EXOC4: variants seen among roughly 807,000 people sequenced by gnomAD.
EXOC4 encodes the protein exocyst complex component 4, also known as SEC8-like 1.
In EXOC4, 71 loss-of-function variants were observed where a neutral mutation model predicts 107.2. The observed-to-expected ratio is 0.66, with a 90% CI of 0.55 to 0.81. EXOC4 has a LOEUF of 0.81. EXOC4 is among the 30% of genes least tolerant of loss of function. The probability of loss-of-function intolerance (pLI) is 0.00; values close to 1 mark genes in which losing one functional copy is unlikely to be tolerated. For missense variants in EXOC4, 1,108 were observed against 1,189.6 expected (o/e 0.93, Z 1.01); for synonymous variants, 456 against 441.2 (o/e 1.03, Z -0.42).
chr7:133,612,172 T>G (rs1439801011), intron 9 of EXOC4, among the ~76,000 whole-genome samples: 1 of 152,172 alleles, frequency 6.6e-6, no homozygotes, highest in Non-Finnish European at 1.5e-5. Flanking sequence ...TATATATGGT[T>G]TCAATTTTTA....
At chr7:134,093,559 A>C in the EXOC4 span, among the ~76,000 whole-genome samples, 14 of 152,200 alleles carry the variant, frequency 9.2e-5, no homozygotes, top group African/African-American at 3.1e-4. Context: ...TAAACTCAAC[A>C]CTTCACCAAT....
At chr7:133,334,775 A>G (rs537212514) in intron 5 of EXOC4, among the ~76,000 whole-genome samples, 2 of 148,142 alleles carry the variant, frequency 1.4e-5, no homozygotes, top group African/African-American at 5.0e-5. Context: ...CTATATGTCC[A>G]TGTGTTCTCA....
At chr7:133,363,804 T>C (rs1482103399) in intron 6 of EXOC4, among the ~76,000 whole-genome samples, 1 of 152,118 alleles carries the variant, frequency 6.6e-6, no homozygotes, top group East Asian at 1.9e-4. Context: ...CTGCCTTAGG[T>C]TTTGTCATTT....
intron 10 of EXOC4, among the ~76,000 whole-genome samples, chr7:133,770,525 C>T (rs1796224178): frequency 6.6e-6 from 1 of 151,956 alleles, no homozygotes; most frequent in Non-Finnish European, 1.5e-5. Flanking sequence ...TTAGCCAATG[C>T]ACACTTAATC....
At chr7:133,283,142 G>T (rs997052864) in intron 2 of EXOC4, among the ~76,000 whole-genome samples, 2 of 152,218 alleles carry the variant, frequency 1.3e-5, no homozygotes, top group Admixed American at 1.3e-4. Flanking sequence ...GTCGCACTCT[G>T]TTGTCCAGGC....
At chr7:133,644,974 C>G (rs1178412618) in intron 10 of EXOC4, among the ~76,000 whole-genome samples, 1 of 152,096 alleles carries the variant, frequency 6.6e-6, no homozygotes, top group East Asian at 1.9e-4. Context: ...ATCCCCTTTG[C>G]ATCTTTGTAT....
intron 11 of EXOC4, among the ~76,000 whole-genome samples, chr7:133,823,676 T>C (rs1389342732): frequency 6.8e-6 from 1 of 148,000 alleles, no homozygotes; most frequent in Non-Finnish European, 1.5e-5. Context: ...ATTAGCCAGG[T>C]GTGGTGGTAA....
chr7:133,630,055 T>A lies in EXOC4; in HGVS notation c.1428T>A (p.Asp476Glu). 2 of 1,613,544 alleles carry A rather than the reference T, an allele frequency of 1.2e-6. No individual in the cohort carries two copies. The highest frequency in any genetic ancestry group is 1.3e-5 in the African/African-American group (1 of 75,024). Reference protein sequence around the residue: ...SRSGELQGGPDDNLIEGGGTK... With the variant: ...SRSGELQGGPEDNLIEGGGTK... ...TCTTTCTTCTGAAAGGGGGTCCTGA[T>A]GACAACTTAATTGAAGGTGGAGGAA... Residue 476 changes from aspartate (D) to glutamate (E), a missense_variant, in exon 10 of 18, where the codon GAT becomes GAA. Coordinates refer to ENST00000253861, the MANE Select transcript of EXOC4 (RefSeq NM_021807.4).
At chr7:134,036,083 A>G (rs1287449286) in intron 17 of EXOC4, among the ~76,000 whole-genome samples, 1 of 152,150 alleles carries the variant, frequency 6.6e-6, no homozygotes, top group East Asian at 1.9e-4. Context: ...AAACGTGACA[A>G]CTGTTAATCT....
At chr7:133,346,464 TTTAA>T (rs1303957471) in intron 5 of EXOC4, among the ~76,000 whole-genome samples, 3 of 152,240 alleles carry the variant, frequency 2.0e-5, no homozygotes, top group Non-Finnish European at 4.4e-5. Context: ...CATTTTTAAA[TTTAA>T]TTATATTTTG....
intron 11 of EXOC4, among the ~76,000 whole-genome samples, chr7:133,830,912 A>G (rs1236363621): frequency 6.6e-6 from 1 of 152,026 alleles, no homozygotes; most frequent in Admixed American, 6.6e-5. Context: ...AGGCTCTCTT[A>G]AATGTGATAG....
At position 133,641,431 on chromosome 7, in the gene EXOC4, C is replaced by T. The variant is rs62470057; in HGVS notation, c.1514+11290C>T. 4.0e-5 allele frequency among the ~76,000 whole-genome samples: 6 copies of T among 151,692 alleles called. No homozygotes were observed. The South Asian group carries it at 1.2e-3, about 31-fold the overall frequency. On this transcript the variant is annotated intron_variant, in intron 10 of 17. Coordinates refer to ENST00000253861, the MANE Select transcript of EXOC4 (RefSeq NM_021807.4). ...AAATCTCTACACTGTCCTGAGCACA[C>T]ATATATATATAGATACACACACATA...
chr7:133,265,047 A>T, intron 1 of EXOC4, among the ~76,000 whole-genome samples: 1 of 152,210 alleles, frequency 6.6e-6, no homozygotes, highest in Non-Finnish European at 1.5e-5. Context: ...GGTTAAAAGC[A>T]GTTTGGGAAA....
chr7:133,784,063 A>G (rs1020209734), intron 10 of EXOC4, among the ~76,000 whole-genome samples: 1 of 152,154 alleles, frequency 6.6e-6, no homozygotes, highest in Non-Finnish European at 1.5e-5. Flanking sequence ...TTTCAATGAT[A>G]ATATTACTAA....
intron 9 of EXOC4, among the ~76,000 whole-genome samples, chr7:133,546,198 T>C (rs1459904169): frequency 6.6e-6 from 1 of 152,124 alleles, no homozygotes; most frequent in Non-Finnish European, 1.5e-5. Context: ...ATCAGATTTA[T>C]TGATATATAG....
At chr7:133,364,204 C>G (rs1158807641) in intron 6 of EXOC4, among the ~76,000 whole-genome samples, 4 of 152,100 alleles carry the variant, frequency 2.6e-5, no homozygotes, top group Non-Finnish European at 5.9e-5. Context: ...TCATGGCTCA[C>G]TGTAGCCTTG....
At chr7:133,369,255 CT>C (rs1283483433) in intron 6 of EXOC4, among the ~76,000 whole-genome samples, 1 of 152,176 alleles carries the variant, frequency 6.6e-6, no homozygotes, top group Non-Finnish European at 1.5e-5. Context: ...ATCTCTTATT[CT>C]TTGCTGCATC....
intron 10 of EXOC4, among the ~76,000 whole-genome samples, chr7:133,792,915 T>C (rs1796734854): frequency 1.3e-5 from 2 of 152,174 alleles, no homozygotes; most frequent in Admixed American, 1.3e-4. Flanking sequence ...CTCATTAGTA[T>C]AGAGAGAACC....
At chr7:133,564,460 C>T (rs375131103) in intron 9 of EXOC4, among the ~76,000 whole-genome samples, 12 of 152,078 alleles carry the variant, frequency 7.9e-5, no homozygotes, top group East Asian at 3.9e-4. Context: ...GAGAGCTGGA[C>T]GGGAACACAG....
Sources: gnomAD v4.1 joint callset for allele counts (sites outside exome capture counted in the v4.1 genomes callset) on GRCh38, gnomAD v4.1.1 for gene constraint, MANE v1.5 for transcripts, NCBI Gene and HGNC (gene_info 2026-07-23, HGNC 2026-07-21) for gene names.